Variants in CLASP1 observed in about 807,000 individuals in gnomAD.
CLASP1 encodes the protein cytoplasmic linker associated protein 1.
A neutral mutation model predicts 192.3 loss-of-function variants in CLASP1; 38 were observed. The observed-to-expected ratio is 0.20, with a 90% CI of 0.15 to 0.26. The LOEUF is 0.26. Ranked by LOEUF, CLASP1 falls within the 10% of genes least tolerant of loss-of-function variation. CLASP1 has a pLI of 1.00. For missense variants in CLASP1, 1,433 were observed against 1,932.5 expected (o/e 0.74, Z 4.85); for synonymous variants, 691 against 712.8 (o/e 0.97, Z 0.49).
intron 1 of CLASP1, among the ~76,000 whole-genome samples, chr2:121,625,891 A>G (rs547592655): frequency 6.6e-6 from 1 of 151,846 alleles, no homozygotes; most frequent in South Asian, 2.1e-4. Flanking sequence ...AGAGATCAAG[A>G]CGATGGAGAC....
chr2:121,577,240 A>T (rs1364440319), intron 2 of CLASP1, among the ~76,000 whole-genome samples: 1 of 151,976 alleles, frequency 6.6e-6, no homozygotes, highest in African/African-American at 2.4e-5. Flanking sequence ...AAAAAAATCC[A>T]TGACAAAAGG....
At chr2:121,396,034 GA>G (rs932197110) in intron 30 of CLASP1, among the ~76,000 whole-genome samples, 2 of 152,048 alleles carry the variant, frequency 1.3e-5, no homozygotes, top group African/African-American at 4.8e-5. Context: ...AACCCCAATC[GA>G]AAAAACAACA....
At chr2:121,523,371 G>A (rs1471967840) in intron 6 of CLASP1, among the ~76,000 whole-genome samples, 1 of 152,120 alleles carries the variant, frequency 6.6e-6, no homozygotes, top group Non-Finnish European at 1.5e-5. Context: ...AATCCCTAGA[G>A]ACCTTACAAG....
At chr2:121,369,908 T>C (rs2068253533) in intron 34 of CLASP1, among the ~76,000 whole-genome samples, 1 of 152,242 alleles carries the variant, frequency 6.6e-6, no homozygotes. Flanking sequence ...AAATCACTTT[T>C]GCTAAATATA....
intron 8 of CLASP1, among the ~76,000 whole-genome samples, chr2:121,502,642 C>T (rs141940603): frequency 2.1e-4 from 32 of 152,254 alleles, no homozygotes; most frequent in South Asian, 1.2e-3. Context: ...ATCAGAATGG[C>T]GGTGGGTGCC....
intron 14 of CLASP1, among the ~76,000 whole-genome samples, chr2:121,452,858 T>C (rs568136953): frequency 3.9e-4 from 60 of 152,348 alleles, no homozygotes; most frequent in Non-Finnish European, 7.1e-4. Flanking sequence ...TATTTTTGTA[T>C]GAATAAATCC....
intron 7 of CLASP1, among the ~76,000 whole-genome samples, chr2:121,508,043 T>C (rs1482548930): frequency 6.6e-6 from 1 of 151,244 alleles, no homozygotes; most frequent in Non-Finnish European, 1.5e-5. Context: ...CAAATCCACA[T>C]GAAGAAATAA....
chr2:121,476,459 G>C (rs775871758), intron 8 of CLASP1, among the ~76,000 whole-genome samples: 2 of 152,226 alleles, frequency 1.3e-5, no homozygotes, highest in Non-Finnish European at 2.9e-5. Flanking sequence ...TTCAAGTCTG[G>C]TGTCTGGAAC....
At chr2:121,557,339 ACTTTGAGAGGCTGAGGCGGAC>A (rs2105256483) in intron 2 of CLASP1, among the ~76,000 whole-genome samples, 1 of 152,284 alleles carries the variant, frequency 6.6e-6, no homozygotes, top group African/African-American at 2.4e-5. Context: ...CAATCACAGC[ACTTTGAGAGGCTGAGGCGGAC>A]GGATCACAAG....
At chr2:121,632,321 T>C (rs72956541) in intron 1 of CLASP1, among the ~76,000 whole-genome samples, 186 of 152,306 alleles carry the variant, frequency 1.2e-3, no homozygotes, top group African/African-American at 4.2e-3. Context: ...AATATCTATT[T>C]ATAGCAATGT....
chr2:121,503,210 A>G, exon 8 of CLASP1: 1 of 1,547,502 alleles, frequency 6.5e-7, no homozygotes, highest in Non-Finnish European at 8.8e-7. Context: ...GGACTTCATC[A>G]AATTTTGTAA....
At chr2:121,380,654 T>G (rs1012564648) in intron 33 of CLASP1, among the ~76,000 whole-genome samples, 6 of 152,160 alleles carry the variant, frequency 3.9e-5, no homozygotes, top group African/African-American at 1.2e-4. Flanking sequence ...ATGTATAGAA[T>G]AAGGATAGTC....
chr2:121,569,491 T>C (rs2059795844), intron 2 of CLASP1, among the ~76,000 whole-genome samples: 1 of 152,248 alleles, frequency 6.6e-6, no homozygotes, highest in Non-Finnish European at 1.5e-5. Context: ...AATTTTATTT[T>C]AAGTGTAATG....
intron 2 of CLASP1, among the ~76,000 whole-genome samples, chr2:121,580,274 T>C (rs1017633419): frequency 6.6e-6 from 1 of 152,240 alleles, no homozygotes; most frequent in Admixed American, 6.5e-5. Context: ...AATCTTTTAT[T>C]TCTTCATGTA....
chr2:121,348,839 G>T, intron 37 of CLASP1, 121 bp from the exon 39 acceptor site: 2 of 869,022 alleles, frequency 2.3e-6, no homozygotes, highest in Non-Finnish European at 3.4e-6. Flanking sequence ...GGCAGCCATT[G>T]CTTCGCCTGG....
At chr2:121,543,002 C>A (rs182512052) in intron 2 of CLASP1, among the ~76,000 whole-genome samples, 165 of 152,372 alleles carry the variant, frequency 1.1e-3, no homozygotes, top group African/African-American at 3.8e-3. Flanking sequence ...ATGTCCAATG[C>A]AGTAGCCACT....
intron 37 of CLASP1, among the ~76,000 whole-genome samples, chr2:121,359,799 G>C (rs2066024461): frequency 6.6e-6 from 1 of 152,136 alleles, no homozygotes; most frequent in Admixed American, 6.6e-5. Flanking sequence ...ACTCTAAATT[G>C]GTGTCCAAAT....
chr2:121,406,286 A>G (rs1054883802), intron 25 of CLASP1, among the ~76,000 whole-genome samples: 4 of 152,266 alleles, frequency 2.6e-5, no homozygotes, highest in African/African-American at 9.6e-5. Context: ...AGAAACAAAG[A>G]AAAAAGCAAA....
intron 2 of CLASP1, among the ~76,000 whole-genome samples, chr2:121,539,336 AAC>A (rs2095174713): frequency 6.6e-6 from 1 of 152,178 alleles, no homozygotes; most frequent in Non-Finnish European, 1.5e-5. Flanking sequence ...AGGATAAAGA[AAC>A]AGATTCGGGC....
Sources: gnomAD v4.1 joint callset for allele counts (sites outside exome capture counted in the v4.1 genomes callset) on GRCh38, gnomAD v4.1.1 for gene constraint, MANE v1.5 for transcripts, NCBI Gene and HGNC (gene_info 2026-07-23, HGNC 2026-07-21) for gene names.